The following AKAP6 variants were observed in gnomAD, a reference collection of about 807,000 sequenced individuals.
The protein encoded by AKAP6 is A-kinase anchoring protein 6.
In AKAP6, 58 loss-of-function variants were observed where a neutral mutation model predicts 188.5. The ratio of observed to expected loss-of-function variants is 0.31; its 90% CI spans 0.25 to 0.38. The LOEUF is 0.38. Ranked by LOEUF, AKAP6 falls within the 10% of genes least tolerant of loss-of-function variation. The pLI is 1.00. For missense variants in AKAP6, 2,710 were observed against 2,740.0 expected (o/e 0.99, Z 0.24); for synonymous variants, 989 against 998.6 (o/e 0.99, Z 0.18).
intron 1 of AKAP6, among the ~76,000 whole-genome samples, chr14:32,361,743 G>A (rs191971577): frequency 2.2e-4 from 34 of 152,234 alleles, no homozygotes; most frequent in Non-Finnish European, 4.3e-4. Context: ...TGGGCTACAG[G>A]AAAAATAATT....
chr14:32,492,291 C>T lies in AKAP6; in HGVS notation c.325-43263C>T, dbSNP rs562584930. Among the ~76,000 whole-genome samples the T allele has an allele frequency of 4.5e-4, 66 of 145,914 alleles. 3 individuals are homozygous for T. The South Asian group carries it at 0.011, about 24-fold the overall frequency. ...GTGTCCCTCCTCTTTTTCCTGTTCT[C>T]TTGACACACTCTGTAGATATCACTG... On this transcript the variant is annotated intron_variant, in intron 2 of 13. Transcript: ENST00000280979.
chr14:32,406,331 T>G (rs1350759589), intron 1 of AKAP6, among the ~76,000 whole-genome samples: 1 of 152,198 alleles, frequency 6.6e-6, no homozygotes, highest in Non-Finnish European at 1.5e-5. Flanking sequence ...TGCCTCAGCC[T>G]CCCGAGTAGC....
intron 7 of AKAP6, among the ~76,000 whole-genome samples, chr14:32,666,159 G>A (rs1245723970): frequency 6.6e-6 from 1 of 151,898 alleles, no homozygotes; most frequent in South Asian, 2.1e-4. Flanking sequence ...AAATATTTTT[G>A]ATATTTTCTA....
intron 1 of AKAP6, among the ~76,000 whole-genome samples, chr14:32,428,953 AAAGG>A (rs1262050578): frequency 1.3e-5 from 2 of 152,182 alleles, no homozygotes; most frequent in African/African-American, 4.8e-5. Context: ...GGATTTGTGT[AAAGG>A]AAGGGATTTG....
intron 11 of AKAP6, among the ~76,000 whole-genome samples, chr14:32,760,192 AATATTCTG>A (rs1169495411): frequency 2.0e-5 from 3 of 152,244 alleles, no homozygotes; most frequent in African/African-American, 7.2e-5. Context: ...TATTGAAATT[AATATTCTG>A]ACACCCCTAG....
At chr14:32,810,155 T>G (rs2034188020) in intron 12 of AKAP6, among the ~76,000 whole-genome samples, 1 of 152,108 alleles carries the variant, frequency 6.6e-6, no homozygotes, top group Admixed American at 6.6e-5. Flanking sequence ...AGTTGCTAGC[T>G]CAAGGCCCCA....
intron 2 of AKAP6, among the ~76,000 whole-genome samples, chr14:32,441,115 A>G (rs1890561947): frequency 6.6e-6 from 1 of 152,174 alleles, no homozygotes; most frequent in Non-Finnish European, 1.5e-5. Flanking sequence ...CCTCCAAACC[A>G]TGAGAAATAA....
At position 32,720,562 on chromosome 14, in the gene AKAP6, G is replaced by A. The variant is rs564496573; in HGVS notation, c.3001-11892G>A. Among the ~76,000 whole-genome samples the A allele has an allele frequency of 3.3e-5, 5 of 152,260 alleles. No individual in the cohort carries two copies. In the South Asian group the frequency reaches 8.3e-4, roughly 25 times the overall value. ...GACTTTAATTTACTACACTTAACTTGTTATTGGATTTCTTATAGCACATAT... is the reference window on the plus strand; with the variant it reads ...GACTTTAATTTACTACACTTAACTTATTATTGGATTTCTTATAGCACATAT... On this transcript the variant is annotated intron_variant, in intron 9 of 13. Coordinates refer to ENST00000280979, the MANE Select transcript of AKAP6 (RefSeq NM_004274.5).
At chr14:32,761,051 A>T (rs192982066) in intron 11 of AKAP6, among the ~76,000 whole-genome samples, 25 of 152,326 alleles carry the variant, frequency 1.6e-4, no homozygotes, top group African/African-American at 5.8e-4. Flanking sequence ...AGAAGCAAAT[A>T]CCCAGTGGTC....
At position 32,407,404 on chromosome 14, in the gene AKAP6, T is replaced by C. The variant is rs1259389066; in HGVS notation, c.-34-26056T>C. Among the ~76,000 whole-genome samples the C allele has an allele frequency of 2.6e-5, 4 of 152,158 alleles. No homozygotes were observed. The East Asian group carries it at 5.8e-4, about 22-fold the overall frequency. On this transcript the variant is annotated intron_variant, in intron 1 of 13. Coordinates refer to ENST00000280979, the MANE Select transcript of AKAP6 (RefSeq NM_004274.5). ...CTGCATCAGCTCTCCAGCTCGGCTA[T>C]GTGTGAGGAGATCCCCACACAGGCT...
At chr14:32,394,886 G>A (rs1344338334) in intron 1 of AKAP6, among the ~76,000 whole-genome samples, 2 of 152,126 alleles carry the variant, frequency 1.3e-5, no homozygotes, top group African/African-American at 4.8e-5. Flanking sequence ...AAATATCTCT[G>A]CAAAATTATG....
At position 32,763,909 on chromosome 14, in the gene AKAP6, T is replaced by C. The variant is rs535243519; in HGVS notation, c.3373-9769T>C. Among the ~76,000 whole-genome samples, 3 of 152,310 alleles carry C rather than the reference T, an allele frequency of 2.0e-5. No homozygotes were observed. The South Asian group carries it at 6.2e-4, about 32-fold the overall frequency. ...TTATTCATACTTCATTTGAGGTATT[T>C]TAATGTTTTGCTATTTTGAAGAATT... On this transcript the variant is annotated intron_variant, in intron 11 of 13. Coordinates refer to ENST00000280979, the MANE Select transcript of AKAP6 (RefSeq NM_004274.5).
intron 2 of AKAP6, among the ~76,000 whole-genome samples, chr14:32,497,699 T>C (rs752300062): frequency 4.5e-4 from 69 of 151,892 alleles, no homozygotes; most frequent in Non-Finnish European, 9.1e-4. Context: ...TATATATATA[T>C]ATATTTTTTT....
chr14:32,804,314 C>T (rs1353013119), intron 12 of AKAP6, among the ~76,000 whole-genome samples: 1 of 152,204 alleles, frequency 6.6e-6, no homozygotes, highest in Non-Finnish European at 1.5e-5. Context: ...TCTCCAGGCA[C>T]ATAACCTTTC....
chr14:32,337,008 G>A (rs1332329602), intron 1 of AKAP6, among the ~76,000 whole-genome samples: 1 of 152,190 alleles, frequency 6.6e-6, no homozygotes, highest in African/African-American at 2.4e-5. Flanking sequence ...GCTTTTAATA[G>A]TTAATTCAAA....
intron 4 of AKAP6, among the ~76,000 whole-genome samples, chr14:32,553,050 T>C (rs200578388): frequency 6.6e-6 from 1 of 152,218 alleles, no homozygotes. Flanking sequence ...GGGGCTGTGA[T>C]AGAATCTCCA....
intron 1 of AKAP6, chr14:32,403,295 A>G (rs1889161468): frequency 6.6e-6 from 1 of 152,178 alleles, no homozygotes; most frequent in African/African-American, 2.4e-5. Context: ...AAAACTATTA[A>G]TAGGTCCCGA....
intron 8 of AKAP6, among the ~76,000 whole-genome samples, chr14:32,685,578 GC>G (rs1266878555): frequency 6.6e-6 from 1 of 151,918 alleles, no homozygotes; most frequent in African/African-American, 2.4e-5. Context: ...CAAAAAATTA[GC>G]CAGGCATGGT....
chr14:32,549,662 G>A (rs1398164061), intron 4 of AKAP6, among the ~76,000 whole-genome samples: 1 of 152,206 alleles, frequency 6.6e-6, no homozygotes, highest in Non-Finnish European at 1.5e-5. Context: ...TTTTGTGTTT[G>A]GCTCTGTACT....
Sources: gnomAD v4.1 joint callset for allele counts (sites outside exome capture counted in the v4.1 genomes callset) on GRCh38, gnomAD v4.1.1 for gene constraint, MANE v1.5 for transcripts, NCBI Gene and HGNC (gene_info 2026-07-23, HGNC 2026-07-21) for gene names.